The following ZNF562 variants were observed in gnomAD, a reference collection of about 807,000 sequenced individuals.
The protein encoded by ZNF562 is zinc finger protein 562.
In ZNF562, 13 loss-of-function variants were observed where a neutral mutation model predicts 17.5. The ratio of observed to expected loss-of-function variants is 0.74; its 90% CI spans 0.48 to 1.18. The LOEUF is 1.18. ZNF562 is among the 50% of genes most tolerant of loss of function. The pLI, the probability that ZNF562 is intolerant of heterozygous loss-of-function variation, is 0.00. For missense variants in ZNF562, 481 were observed against 498.5 expected, an observed-to-expected ratio of 0.96 and a Z score of 0.33; for synonymous variants, 163 against 165.4, an observed-to-expected ratio of 0.99 and a Z score of 0.11.
In ZNF562 at chr19:9,653,248, A is replaced by C; in HGVS notation, c.982T>G (p.Ser328Ala). The change falls in exon 6 of 6, where the codon TCA (serine) becomes GCA (alanine). Residue 328 changes from serine to alanine, a missense_variant. Physicochemically the swap from Ser to Ala is moderately conservative, Grantham distance 99. This residue lies in a region of ZNF562 where 403 missense variants were observed against 386.4 expected (regional missense o/e 1.04). Transcript: ENST00000453372. ...CTTACATGTTGAGTAAGGTGAGTTG[A>C]TCTAGTGAAGGCTTTCCCACATTCC... ...CTECGKAFTR[S>A]THLTQHVRTH... 6.2e-7 allele frequency: 1 copy of C among 1,614,156 alleles called. No individual in the cohort carries two copies. The highest frequency in any genetic ancestry group is 8.5e-7 in the Non-Finnish European group (1 of 1,180,020).
chr19:9,656,523 A>G (rs752996243), intron 5 of ZNF562, 24 bp downstream of exon 5: 2 of 1,610,424 alleles, frequency 1.2e-6, no homozygotes, highest in South Asian at 2.2e-5. Context: ...GAAGAAAAAA[A>G]TAAGTATCCC....
In ZNF562 at chr19:9,645,142, G is replaced by C. The variant is rs1341797640; in HGVS notation, c.*7807C>G. Reference sequence around the variant, plus strand: ...AGCTCACTGTAACCTCCACCTCCCAGGTTGAAGTGATTCTCCCATCTCAGC... The same window carrying C: ...AGCTCACTGTAACCTCCACCTCCCACGTTGAAGTGATTCTCCCATCTCAGC... On this transcript the variant is annotated 3_prime_UTR_variant, in exon 6 of 6. Coordinates refer to ENST00000453372, the MANE Select transcript of ZNF562 (RefSeq NM_001130031.2). 1.3e-5 allele frequency: 2 copies of C among 151,796 alleles called. No homozygotes were observed. Among genetic ancestry groups the C allele is most frequent in the Admixed American group, 6.6e-5 (1 of 15,210 alleles). The allele number at this position is 151,796 out of a possible 1,614,324, so 9.4% of individuals were successfully genotyped here. A position where few individuals can be genotyped will look rare whatever the true frequency, so the allele number is the denominator to read the frequency against.
In ZNF562 at chr19:9,641,990, G is replaced by A. The variant is rs1182975228; in HGVS notation, c.*10959C>T. Reference sequence around the variant, plus strand: ...AAAGTACATTCTCAAGGGCGGGGAGGATGTTACAAAGTACATTCACAAGGG... The same window carrying A: ...AAAGTACATTCTCAAGGGCGGGGAGAATGTTACAAAGTACATTCACAAGGG... On this transcript the variant is annotated 3_prime_UTR_variant, in exon 6 of 6. Transcript: ENST00000453372. 2 of 150,624 alleles carry A rather than the reference G, an allele frequency of 1.3e-5. No homozygotes were observed. The highest frequency in any genetic ancestry group is 3.0e-5 in the Non-Finnish European group (2 of 67,778). 9.3% of individuals were successfully genotyped at this position (150,624 alleles called of 1,614,324 possible).
At chr19:9,667,224 A>C (rs551083229) in intron 1 of ZNF562, among the ~76,000 whole-genome samples, 1 of 152,362 alleles carries the variant, frequency 6.6e-6, no homozygotes, top group South Asian at 2.1e-4. Flanking sequence ...TATGCAAATC[A>C]ATAAATGTGA....
At chr19:9,657,551 C>CTT (rs112714600) in intron 4 of ZNF562, among the ~76,000 whole-genome samples, 3,313 of 142,360 alleles carry the variant, frequency 0.023, 49 homozygotes, top group Non-Finnish European at 0.026. Context: ...CTTTAAAAAT[C>CTT]TTTTTTTTTT....
At chr19:9,659,307 G>A in intron 3 of ZNF562, 72 bp downstream of exon 3, 1 of 1,351,578 alleles carries the variant, frequency 7.4e-7, no homozygotes, top group African/African-American at 1.4e-5. Flanking sequence ...AGATGAGTCT[G>A]TCTAGAAGGA....
chr19:9,672,684 C>T (rs1261697827), intron 1 of ZNF562, among the ~76,000 whole-genome samples: 5 of 151,808 alleles, frequency 3.3e-5, no homozygotes, highest in Non-Finnish European at 5.9e-5. Context: ...ATTCTTTCTT[C>T]CTGGTTCCTG....
At chr19:9,664,579 C>A (rs1456111799) in intron 1 of ZNF562, among the ~76,000 whole-genome samples, 1 of 152,176 alleles carries the variant, frequency 6.6e-6, no homozygotes, top group Non-Finnish European at 1.5e-5. Flanking sequence ...ACATTTCTTG[C>A]ACGGTTTGGC....
At chr19:9,660,416 C>T (rs1308854278) in intron 2 of ZNF562, among the ~76,000 whole-genome samples, 3 of 151,954 alleles carry the variant, frequency 2.0e-5, no homozygotes, top group East Asian at 3.9e-4. Context: ...CACCTGAGGT[C>T]GGGAGTTCAA....
chr19:9,659,807 T>C (rs2043653475), intron 2 of ZNF562, among the ~76,000 whole-genome samples: 1 of 151,418 alleles, frequency 6.6e-6, no homozygotes, highest in Admixed American at 6.6e-5. Flanking sequence ...AAAACAGCAT[T>C]CTGACTGGGC....
At position 9,648,700 on chromosome 19, in the gene ZNF562, G is replaced by C. The variant is rs1189974366; in HGVS notation, c.*4249C>G. 2 of 145,184 alleles carry C rather than the reference G, an allele frequency of 1.4e-5. No homozygotes were observed. The highest frequency in any genetic ancestry group is 5.1e-5 in the African/African-American group (2 of 39,058). The allele number at this position is 145,184 out of a possible 1,614,324, so 9.0% of individuals were successfully genotyped here. On this transcript the variant is annotated 3_prime_UTR_variant, in exon 6 of 6. Coordinates refer to ENST00000453372, the MANE Select transcript of ZNF562 (RefSeq NM_001130031.2). ...GTTTTTTTTTTTGAGATGGGGTCTT[G>C]CTATGTTGCCTAAGCTGGTCTAGAA...
chr19:9,660,489 CCAGTGACT>C (rs1483608059), intron 2 of ZNF562, among the ~76,000 whole-genome samples: 1 of 151,628 alleles, frequency 6.6e-6, no homozygotes, highest in Non-Finnish European at 1.5e-5. Context: ...GCCTGTGGTC[CCAGTGACT>C]CGGGTGGGTG....
chr19:9,652,862 A>T lies in ZNF562; in HGVS notation c.*87T>A, dbSNP rs548897962. 17 of 1,304,120 alleles carry T rather than the reference A, an allele frequency of 1.3e-5. No individual in the cohort carries two copies. In the South Asian group the frequency reaches 2.8e-4, roughly 21 times the overall value. 80.8% of individuals were successfully genotyped at this position (1,304,120 alleles called of 1,614,324 possible). ...TGAGGAAAGAGCAAATGCTTTCCCAAATTCTTTACATACAAAAGGTTTCTC... is the reference window on the plus strand; with the variant it reads ...TGAGGAAAGAGCAAATGCTTTCCCATATTCTTTACATACAAAAGGTTTCTC... On this transcript the variant is annotated 3_prime_UTR_variant, in exon 6 of 6. Transcript: ENST00000453372.
chr19:9,652,203 T>G lies in ZNF562; in HGVS notation c.*746A>C, dbSNP rs1273100695. The G allele has an allele frequency of 1.3e-5, 2 of 152,136 alleles. No individual in the cohort carries two copies. The highest frequency in any genetic ancestry group is 3.8e-4 in the East Asian group (2 of 5,202). The allele number at this position is 152,136 out of a possible 1,614,324, so 9.4% of individuals were successfully genotyped here. A position where few individuals can be genotyped will look rare whatever the true frequency, so the allele number is the denominator to read the frequency against. On this transcript the variant is annotated 3_prime_UTR_variant, in exon 6 of 6. Coordinates refer to ENST00000453372, the MANE Select transcript of ZNF562 (RefSeq NM_001130031.2). ...GCCACTTACATTGTGCCACCTAAAA[T>G]GGACAGAGAAGACAGAACAGAACAG...
Position 9,650,135 on chromosome 19 carries a change from A to C in ZNF562, c.*2814T>G, listed in dbSNP as rs1188374893. 2.0e-5 allele frequency: 3 copies of C among 152,136 alleles called. No individual in the cohort carries two copies. Among genetic ancestry groups the C allele is most frequent in the Admixed American group, 2.0e-4 (3 of 15,256 alleles). 9.4% of individuals were successfully genotyped at this position (152,136 alleles called of 1,614,324 possible). A position where few individuals can be genotyped will look rare whatever the true frequency, so the allele number is the denominator to read the frequency against. ...CAAAATAGAGTGCATATCTCACCAG[A>C]ACTGCAAAGACAAGTATGCTGGTAT... is the stretch of plus-strand genomic sequence containing the variant. On this transcript the variant is annotated 3_prime_UTR_variant, in exon 6 of 6. Transcript: ENST00000453372.
rs2074855679 is a variant in ZNF562 at position 9,650,737 on chromosome 19, G to T, written c.*2212C>A. On this transcript the variant is annotated 3_prime_UTR_variant, in exon 6 of 6. Coordinates refer to ENST00000453372, the MANE Select transcript of ZNF562 (RefSeq NM_001130031.2). The stretch of plus-strand genomic sequence containing the variant: ...GGCCAAGGCAGGTGGATCACCAAAG[G>T]TCAGATCTGACCAACATGGAGATCA... The T allele has an allele frequency of 6.6e-6, 1 of 151,978 alleles. No homozygotes were observed. The highest frequency in any genetic ancestry group is 1.5e-5 in the Non-Finnish European group (1 of 68,060). 9.4% of individuals were successfully genotyped at this position (151,978 alleles called of 1,614,324 possible).
intron 4 of ZNF562, 57 bp downstream of exon 4, chr19:9,657,952 A>G: frequency 1.3e-6 from 2 of 1,551,968 alleles, no homozygotes; most frequent in Non-Finnish European, 1.8e-6. Flanking sequence ...CAGCCTCCCA[A>G]GTATCTGGGA....
In ZNF562 at chr19:9,649,050, A is replaced by G. The variant is rs1267336528; in HGVS notation, c.*3899T>C. 6.6e-6 allele frequency: 1 copy of G among 152,310 alleles called. No individual in the cohort carries two copies. The highest frequency in any genetic ancestry group is 1.5e-5 in the Non-Finnish European group (1 of 68,036). 9.4% of individuals were successfully genotyped at this position (152,310 alleles called of 1,614,324 possible). On this transcript the variant is annotated 3_prime_UTR_variant, in exon 6 of 6. Transcript: ENST00000453372. ...GGGGGACTGGCTGAAGCCATGGCAG[A>G]AAAACATGGATTGTGAAGGTTTCAT...
rs974098792 is a variant in ZNF562 at position 9,648,543 on chromosome 19, T to A, written c.*4406A>T. The A allele has an allele frequency of 6.6e-6, 1 of 152,112 alleles. No homozygotes were observed. Among genetic ancestry groups the A allele is most frequent in the Non-Finnish European group, 1.5e-5 (1 of 68,030 alleles). 9.4% of individuals were successfully genotyped at this position (152,112 alleles called of 1,614,324 possible). A position where few individuals can be genotyped will look rare whatever the true frequency, so the allele number is the denominator to read the frequency against. Reference sequence around the variant, plus strand: ...GTCTCGAACTCTTGACCTCAAATGATCTGCCCACCCCCACCTCCCAAATTG... The same window carrying A: ...GTCTCGAACTCTTGACCTCAAATGAACTGCCCACCCCCACCTCCCAAATTG... On this transcript the variant is annotated 3_prime_UTR_variant, in exon 6 of 6. Transcript: ENST00000453372.
Sources: allele counts gnomAD v4.1 joint callset (sites outside exome capture counted in the v4.1 genomes callset), GRCh38; gene constraint gnomAD v4.1.1; regional missense constraint gnomAD v4.1.1; transcripts MANE v1.5; gene names NCBI Gene and HGNC (gene_info 2026-07-23, HGNC 2026-07-21).